The following GRID1 variants were observed in gnomAD, a reference collection of about 807,000 sequenced individuals.
The protein encoded by GRID1 is glutamate receptor ionotropic, delta-1.
In GRID1, 28 loss-of-function variants were observed where a neutral mutation model predicts 98.0. The ratio of observed to expected loss-of-function variants is 0.29; its 90% CI spans 0.21 to 0.39. The LOEUF (loss-of-function observed/expected upper bound fraction) is 0.39. Among genes scored for constraint, GRID1 ranks in the 10% least tolerant of loss-of-function variants. The pLI, the probability that GRID1 is intolerant of heterozygous loss-of-function variation, is 1.00. For missense variants in GRID1, 1,111 were observed against 1,340.5 expected (o/e 0.83, Z 2.67); for synonymous variants, 553 against 538.5 (o/e 1.03, Z -0.37).
intron 15 of GRID1, 70 bp from the exon 16 acceptor site, chr10:85,602,771 G>T: frequency 8.5e-7 from 1 of 1,179,358 alleles, no homozygotes; most frequent in Non-Finnish European, 1.2e-6. Flanking sequence ...CTACAGCTCT[G>T]GATGTCTGTA....
At chr10:85,903,516 C>T (rs1841417567) in intron 5 of GRID1, among the ~76,000 whole-genome samples, 1 of 152,148 alleles carries the variant, frequency 6.6e-6, no homozygotes, top group African/African-American at 2.4e-5. Context: ...TTCATCCCTA[C>T]CCTCCTCACC....
At chr10:85,900,142 G>C (rs541049912) in intron 5 of GRID1, among the ~76,000 whole-genome samples, 6 of 152,326 alleles carry the variant, frequency 3.9e-5, no homozygotes, top group African/African-American at 1.4e-4. Context: ...CTGCTTCTCT[G>C]TTCCAGCTTT....
At chr10:85,776,736 G>A (rs1292564336) in intron 8 of GRID1, among the ~76,000 whole-genome samples, 2 of 152,222 alleles carry the variant, frequency 1.3e-5, no homozygotes, top group African/African-American at 4.8e-5. Context: ...CCAACGCAGA[G>A]GAGGTTGGCC....
chr10:85,675,187 A>G (rs1448691254), intron 12 of GRID1, among the ~76,000 whole-genome samples: 1 of 152,212 alleles, frequency 6.6e-6, no homozygotes, highest in Non-Finnish European at 1.5e-5. Flanking sequence ...GGTCTAGAAG[A>G]TACCTAGTGA....
At chr10:85,832,572 C>T (rs12265573) in intron 8 of GRID1, among the ~76,000 whole-genome samples, 10,438 of 152,166 alleles carry the variant, frequency 0.069, 395 homozygotes, top group Non-Finnish European at 0.082. Context: ...TTTCTCCCTG[C>T]TCTTCTCTGC....
intron 4 of GRID1, among the ~76,000 whole-genome samples, chr10:86,065,729 G>T (rs1188335553): frequency 6.6e-6 from 1 of 152,238 alleles, no homozygotes; most frequent in African/African-American, 2.4e-5. Flanking sequence ...CCACGAGGCA[G>T]CCTCAGCCCT....
intron 2 of GRID1, among the ~76,000 whole-genome samples, chr10:86,256,667 C>G (rs2132052497): frequency 6.6e-6 from 1 of 152,194 alleles, no homozygotes; most frequent in East Asian, 1.9e-4. Flanking sequence ...AACAAGTAAC[C>G]TAGTGCAGCA....
chr10:85,931,932 G>T (rs1183325469), intron 4 of GRID1, among the ~76,000 whole-genome samples: 1 of 152,184 alleles, frequency 6.6e-6, no homozygotes, highest in African/African-American at 2.4e-5. Context: ...CTCCAGAAAA[G>T]ACTCCTATTA....
intron 8 of GRID1, among the ~76,000 whole-genome samples, chr10:85,838,539 A>C (rs1842932467): frequency 6.6e-6 from 1 of 152,190 alleles, no homozygotes; most frequent in Non-Finnish European, 1.5e-5. Flanking sequence ...TCCAACCCAG[A>C]ATTTCATATC....
In GRID1 at chr10:86,172,581, A is replaced by G. The variant is rs76827678; in HGVS notation, c.521-33557T>C. Among the ~76,000 whole-genome samples, 1,312 of 152,354 alleles carry G rather than the reference A, an allele frequency of 8.6e-3. 27 individuals carry two copies. Among genetic ancestry groups the G allele is most frequent in the African/African-American group, 0.03 (1,239 of 41,574 alleles). ...ATGAATCATTTTCTAGCAAAAAATA[A>G]TATGACTATATTATATGCATGTAAT... On this transcript the variant is annotated intron_variant, in intron 3 of 15. Transcript: ENST00000327946.
At chr10:85,886,165 C>T (rs1589287852) in intron 5 of GRID1, among the ~76,000 whole-genome samples, 1 of 152,300 alleles carries the variant, frequency 6.6e-6, no homozygotes, top group Middle Eastern at 3.4e-3. Flanking sequence ...GTTCTCCATG[C>T]TGGATTTTTT....
intron 12 of GRID1, among the ~76,000 whole-genome samples, chr10:85,652,702 G>A (rs1260265150): frequency 1.3e-5 from 2 of 152,098 alleles, no homozygotes; most frequent in African/African-American, 4.8e-5. Context: ...CTTCCAGAGG[G>A]CACCATGACC....
intron 4 of GRID1, among the ~76,000 whole-genome samples, chr10:85,992,907 T>C (rs1210837356): frequency 6.6e-6 from 1 of 152,088 alleles, no homozygotes; most frequent in East Asian, 1.9e-4. Flanking sequence ...TAAGCTATGA[T>C]TGCACCACTG....
Position 86,206,175 on chromosome 10 carries a change from T to C in GRID1, c.520+189A>G, listed in dbSNP as rs565487874. ...AAGGTGTTGTTGCTAGGCAACTTTATACCTATCTATGGAGCTGTTGTTGCA... is the reference window on the plus strand; with the variant it reads ...AAGGTGTTGTTGCTAGGCAACTTTACACCTATCTATGGAGCTGTTGTTGCA... On this transcript the variant is annotated intron_variant, in intron 3 of 15. Coordinates refer to ENST00000327946, the MANE Select transcript of GRID1 (RefSeq NM_017551.3). The surrounding 1 kb of genome is among the most constrained non-coding windows in gnomAD (Gnocchi z 4.1). 2.0e-5 allele frequency among the ~76,000 whole-genome samples: 3 copies of C among 152,358 alleles called. No individual in the cohort carries two copies. The South Asian group carries it at 6.2e-4, about 32-fold the overall frequency.
intron 4 of GRID1, among the ~76,000 whole-genome samples, chr10:86,032,791 C>T (rs1460463401): frequency 6.7e-6 from 1 of 149,532 alleles, no homozygotes; most frequent in East Asian, 2.0e-4. Context: ...GCCAAATCCC[C>T]CTCTCCGAGA....
At chr10:86,294,204 C>A (rs1344486360) in intron 2 of GRID1, among the ~76,000 whole-genome samples, 1 of 152,102 alleles carries the variant, frequency 6.6e-6, no homozygotes, top group Non-Finnish European at 1.5e-5. Context: ...GAGAGGTATA[C>A]CGGTTCTGGT....
Position 86,366,526 on chromosome 10 carries a change from C to T in GRID1, c.-134G>A, listed in dbSNP as rs1848684207. 4.9e-6 allele frequency: 2 copies of T among 408,308 alleles called. No individual in the cohort carries two copies. The highest frequency in any genetic ancestry group is 9.5e-5 in the South Asian group (1 of 10,540). 25.3% of individuals were successfully genotyped at this position (408,308 alleles called of 1,614,324 possible). A position where few individuals can be genotyped will look rare whatever the true frequency, so the allele number is the denominator to read the frequency against. ...CCGAGCCCGCCCGTGCGTCTTCCCC[C>T]GCGCGCCCGCCCCTGCGCCCTGCGC... On this transcript the variant is annotated 5_prime_UTR_variant, in exon 1 of 16. Coordinates refer to ENST00000327946, the MANE Select transcript of GRID1 (RefSeq NM_017551.3). This position sits in a 1 kb window ranked among gnomAD's most constrained non-coding sequence, Gnocchi z 4.1.
chr10:85,984,229 G>A (rs1842581153), intron 4 of GRID1, among the ~76,000 whole-genome samples: 1 of 152,080 alleles, frequency 6.6e-6, no homozygotes, highest in Non-Finnish European at 1.5e-5. Flanking sequence ...GTGCCCCTGA[G>A]CCCCCAATCT....
At chr10:85,641,059 T>A (rs1311923842) in intron 13 of GRID1, among the ~76,000 whole-genome samples, 3 of 152,234 alleles carry the variant, frequency 2.0e-5, no homozygotes, top group African/African-American at 7.2e-5. Flanking sequence ...ACATTTAAAC[T>A]ATTAACGCTA....
Sources: allele counts gnomAD v4.1 joint callset (sites outside exome capture counted in the v4.1 genomes callset), GRCh38; gene constraint gnomAD v4.1.1; non-coding constraint Gnocchi (gnomAD v3.1); transcripts MANE v1.5; gene names NCBI Gene and HGNC (gene_info 2026-07-23, HGNC 2026-07-21).